The following TMEM131L variants were observed in gnomAD, a reference collection of about 807,000 sequenced individuals.
TMEM131L encodes the protein transmembrane 131 like, also known as transmembrane protein 131-like.
Under a neutral mutation model 192.2 loss-of-function variants are expected in TMEM131L, and 54 were observed. That is an observed-to-expected ratio of 0.28 (90% CI 0.23 to 0.35). The LOEUF (loss-of-function observed/expected upper bound fraction) is 0.35, where lower values mean the gene tolerates loss of function less well. Ranked by LOEUF, TMEM131L falls within the 10% of genes least tolerant of loss-of-function variation. TMEM131L has a pLI of 1.00. For missense variants in TMEM131L, 1,888 were observed against 1,972.9 expected (o/e 0.96, Z 0.82); for synonymous variants, 701 against 704.9 (o/e 0.99, Z 0.09).
chr4:153,494,531 C>G (rs1482819830), intron 3 of TMEM131L, among the ~76,000 whole-genome samples: 1 of 152,078 alleles, frequency 6.6e-6, no homozygotes, highest in East Asian at 1.9e-4. Flanking sequence ...AAAAGTAAGA[C>G]ATCTTGACTT....
At chr4:153,596,190 GA>G (rs1313775148) in intron 19 of TMEM131L, 67 bp from the exon 20 acceptor site, 1 of 1,563,530 alleles carries the variant, frequency 6.4e-7, no homozygotes, top group Non-Finnish European at 8.8e-7. Context: ...TAAACTCTAG[GA>G]TGCACTTAAT....
At chr4:153,533,112 A>G (rs60425000) in intron 3 of TMEM131L, among the ~76,000 whole-genome samples, 2 of 150,590 alleles carry the variant, frequency 1.3e-5, no homozygotes, top group African/African-American at 4.9e-5. Flanking sequence ...TCAGCTTCCC[A>G]AGTAGCTGGG....
At chr4:153,492,779 A>T (rs542119782) in intron 3 of TMEM131L, among the ~76,000 whole-genome samples, 1 of 152,102 alleles carries the variant, frequency 6.6e-6, no homozygotes, top group Non-Finnish European at 1.5e-5. Context: ...TTTAACTTAT[A>T]TATCTTTTCT....
intron 3 of TMEM131L, among the ~76,000 whole-genome samples, chr4:153,510,139 G>A (rs751699771): frequency 6.6e-6 from 1 of 152,086 alleles, no homozygotes; most frequent in African/African-American, 2.4e-5. Context: ...TCAGCCTTTG[G>A]ATAGTTTAAA....
chr4:153,508,311 C>G (rs894137394), intron 3 of TMEM131L, among the ~76,000 whole-genome samples: 2 of 152,124 alleles, frequency 1.3e-5, no homozygotes, highest in Non-Finnish European at 1.5e-5. Context: ...AAAGATTGCT[C>G]TAAAGTTTGA....
intron 7 of TMEM131L, among the ~76,000 whole-genome samples, chr4:153,574,872 G>C (rs1348340089): frequency 1.3e-5 from 2 of 152,198 alleles, no homozygotes; most frequent in Non-Finnish European, 2.9e-5. Flanking sequence ...ACAGGTGTGA[G>C]CCACTGCGCC....
Position 153,636,422 on chromosome 4 carries a change from C to G in TMEM131L, c.4679C>G (p.Thr1560Ser). The G allele has an allele frequency of 6.2e-7, 1 of 1,614,186 alleles. No homozygotes were observed. The highest frequency in any genetic ancestry group is 8.5e-7 in the Non-Finnish European group (1 of 1,180,038). The change falls in exon 35 of 35, where the codon ACC (threonine) becomes AGC (serine). Residue 1560 changes from threonine (T) to serine (S), a missense_variant. Thr to Ser is a moderately conservative substitution (Grantham distance 58). Transcript: ENST00000409959. ...CPINPTTEHS[T>S]HMENQAVVCK... is the part of the protein sequence containing the mutation. ...ATCAACCCCACCACGGAACATTCGA[C>G]CCACATGGAAAACCAAGCGGTCGTG...
At chr4:153,629,838 A>G (rs1734093872) in intron 31 of TMEM131L, among the ~76,000 whole-genome samples, 1 of 152,140 alleles carries the variant, frequency 6.6e-6, no homozygotes, top group African/African-American at 2.4e-5. Flanking sequence ...GGAGCCCTCC[A>G]GAGAGCAGGC....
Position 153,558,355 on chromosome 4 carries a change from T to C in TMEM131L, c.647T>C (p.Leu216Pro). The C allele has an allele frequency of 1.9e-6, 3 of 1,598,554 alleles. No individual in the cohort carries two copies. The highest frequency in any genetic ancestry group is 2.6e-6 in the Non-Finnish European group (3 of 1,167,734). The change falls in exon 7 of 35, where the codon CTG becomes CCG. Residue 216 changes from leucine (L) to proline (P), a missense_variant. Coordinates refer to ENST00000409959, the MANE Select transcript of TMEM131L (RefSeq NM_001131007.2). ...FLLPKVQSIQ[L>P]SQMQAETTNT... Reference sequence around the variant, plus strand: ...CTTCCAAAGGTCCAGAGCATTCAGCTGTCTCAAATGCAGGTCATTTTAATA... The same window carrying C: ...CTTCCAAAGGTCCAGAGCATTCAGCCGTCTCAAATGCAGGTCATTTTAATA...
At chr4:153,477,316 C>T (rs1731610696) in intron 3 of TMEM131L, among the ~76,000 whole-genome samples, 1 of 152,126 alleles carries the variant, frequency 6.6e-6, no homozygotes. Context: ...AGAGTTGATA[C>T]CACTCTGGAG....
At chr4:153,568,610 A>G (rs761128246) in intron 7 of TMEM131L, among the ~76,000 whole-genome samples, 30 of 142,710 alleles carry the variant, frequency 2.1e-4, no homozygotes, top group Non-Finnish European at 4.1e-4. Flanking sequence ...ACCTGGCAAT[A>G]TAACATGTAG....
intron 3 of TMEM131L, among the ~76,000 whole-genome samples, chr4:153,522,458 G>T (rs980956505): frequency 3.3e-5 from 5 of 152,052 alleles, no homozygotes; most frequent in Admixed American, 3.3e-4. Flanking sequence ...GCAGTGCTGC[G>T]GGCAGAGGGA....
chr4:153,490,914 A>C (rs1024310254), intron 3 of TMEM131L, among the ~76,000 whole-genome samples: 1 of 146,558 alleles, frequency 6.8e-6, no homozygotes, highest in African/African-American at 2.5e-5. Flanking sequence ...AGATCACGCC[A>C]CTGCACTCCA....
chr4:153,566,481 C>T (rs1272889872), intron 7 of TMEM131L, among the ~76,000 whole-genome samples: 1 of 150,550 alleles, frequency 6.6e-6, no homozygotes, highest in African/African-American at 2.5e-5. Context: ...CAGAGTTCTG[C>T]CAAATAAAGG....
At chr4:153,495,957 G>A (rs762702495) in intron 3 of TMEM131L, among the ~76,000 whole-genome samples, 1 of 152,198 alleles carries the variant, frequency 6.6e-6, no homozygotes, top group Non-Finnish European at 1.5e-5. Context: ...TAATGAGGAT[G>A]TGGCTGTGCT....
chr4:153,472,428 T>G (rs1353165905), intron 2 of TMEM131L, among the ~76,000 whole-genome samples: 2 of 152,194 alleles, frequency 1.3e-5, no homozygotes, highest in East Asian at 3.8e-4. Context: ...AATAGTCATA[T>G]CCACATGTAG....
At position 153,629,010 on chromosome 4, in the gene TMEM131L, C is replaced by T. The variant is rs116087375; in HGVS notation, c.4207+1323C>T. On this transcript the variant is annotated intron_variant, in intron 31 of 34. Coordinates refer to ENST00000409959, the MANE Select transcript of TMEM131L (RefSeq NM_001131007.2). ...TTCCTTCTTGCCCAGCTGAAATGGCCTGATCCATTGTTACAGTCATTTCCT... is the reference window on the plus strand; with the variant it reads ...TTCCTTCTTGCCCAGCTGAAATGGCTTGATCCATTGTTACAGTCATTTCCT... Among the ~76,000 whole-genome samples, 418 of 152,316 alleles carry T rather than the reference C, an allele frequency of 2.7e-3. 2 individuals carry two copies. The highest frequency in any genetic ancestry group is 0.02 in the Middle Eastern group (6 of 294).
chr4:153,573,613 C>T (rs576211146), intron 7 of TMEM131L, among the ~76,000 whole-genome samples: 2 of 152,300 alleles, frequency 1.3e-5, no homozygotes, highest in South Asian at 2.1e-4. Context: ...CTTGGCCAAA[C>T]CAAAAGTTTA....
chr4:153,630,642 T>C, intron 31 of TMEM131L, among the ~76,000 whole-genome samples: 1 of 152,206 alleles, frequency 6.6e-6, no homozygotes, highest in Non-Finnish European at 1.5e-5. Context: ...ATCAGCAAAT[T>C]CCATACCAGC....
Sources: allele counts gnomAD v4.1 joint callset (sites outside exome capture counted in the v4.1 genomes callset), GRCh38; gene constraint gnomAD v4.1.1; transcripts MANE v1.5; gene names NCBI Gene and HGNC (gene_info 2026-07-23, HGNC 2026-07-21).